The following DCAF8L2 variants were observed in gnomAD, a reference collection of about 807,000 sequenced individuals.
The protein encoded by DCAF8L2 is DDB1- and CUL4-associated factor 8-like protein 2.
For synonymous variants in DCAF8L2, 200 were observed against 190.9 expected (o/e 1.05, Z -0.39); for missense variants, 430 against 490.7 (o/e 0.88, Z 1.17).
At chrX:27,471,245 C>G in the DCAF8L2 span, among the ~76,000 whole-genome samples, 2 of 111,975 alleles carry the variant, frequency 1.8e-5, no homozygotes, top group Non-Finnish European at 3.8e-5. Context: ...TTCTATTAAT[C>G]AGGATTTCTT....
At chrX:27,665,480 A>G (rs769735998) in intron 2 of DCAF8L2, among the ~76,000 whole-genome samples, 1 of 112,066 alleles carries the variant, frequency 8.9e-6, no homozygotes, top group South Asian at 3.7e-4. Context: ...ACATTGTTGA[A>G]ATGATAGCAA....
chrX:27,533,164 GAGAAAGAAAGAA>G, the DCAF8L2 span, among the ~76,000 whole-genome samples: 318 of 17,288 alleles, frequency 0.018, 12 homozygotes, highest in Admixed American at 0.037. Context: ...GAGAGAGAGA[GAGAAAGAAAGAA>G]AGAAAGAAAG....
intron 1 of DCAF8L2, among the ~76,000 whole-genome samples, chrX:27,600,194 G>A (rs938259780): frequency 2.7e-5 from 3 of 111,960 alleles, no homozygotes; most frequent in Admixed American, 9.5e-5. Context: ...ACATCATTGT[G>A]TCGATGTGTG....
the DCAF8L2 span, chrX:27,518,030 T>C: frequency 3.0e-6 from 3 of 1,014,440 alleles, no homozygotes; most frequent in Non-Finnish European, 4.2e-6. Flanking sequence ...CAGCAAGATG[T>C]TAAAAAAGTG....
At position 27,748,452 on chromosome X, in the gene DCAF8L2, T is replaced by C. The variant is rs777592552; in HGVS notation, c.1557T>C (p.Leu519=). The C allele has an allele frequency of 1.7e-6, 2 of 1,208,745 alleles. No individual in the cohort carries two copies. Among genetic ancestry groups the C allele is most frequent in the Non-Finnish European group, 2.2e-6 (2 of 893,622 alleles). The change falls in exon 5 of 5, where the codon CTT becomes CTC. Residue 519 remains leucine (L), a synonymous_variant. Coordinates refer to ENST00000451261, the MANE Select transcript of DCAF8L2 (RefSeq NM_001353450.2). The stretch of plus-strand genomic sequence containing the variant: ...GCAGAGAAGGTACAATAAACTGTCT[T>C]GAACCCCACCCTTACCTACCTGTGT... ...KGSREGTINC[L]EPHPYLPVLA... is the part of the protein sequence containing the mutation.
intron 4 of DCAF8L2, among the ~76,000 whole-genome samples, chrX:27,719,670 T>C (rs1931824056): frequency 9.0e-6 from 1 of 110,835 alleles, no homozygotes. Flanking sequence ...GTCTCAAACT[T>C]CTGACCTCAA....
At position 27,747,290 on chromosome X, in the gene DCAF8L2, AGG is replaced by A. The variant is rs1569201130; in HGVS notation, c.396_397del (p.Glu133GlyfsTer28). Reference sequence around the variant, plus strand: ...GGAGGGGAGGAGGAGGAAGAGGAGGAGGAGGAGGAGGAGGAGGAGGAGGAGGA... The same window carrying A: ...GGAGGGGAGGAGGAGGAAGAGGAGGAAGGAGGAGGAGGAGGAGGAGGAGGA... On this transcript the variant is annotated frameshift_variant, in exon 5 of 5. Coordinates refer to ENST00000451261, the MANE Select transcript of DCAF8L2 (RefSeq NM_001353450.2). LOFTEE classifies it low-confidence loss of function (END_TRUNC). 2 of 524,401 alleles carry A rather than the reference AGG, an allele frequency of 3.8e-6. No individual in the cohort carries two copies. Among genetic ancestry groups the A allele is most frequent in the East Asian group, 1.1e-4 (1 of 8,712 alleles). 43.2% of individuals were successfully genotyped at this position (524,401 alleles called of 1,213,427 possible). A position where few individuals can be genotyped will look rare whatever the true frequency, so the allele number is the denominator to read the frequency against.
At chrX:27,522,322 C>T in the DCAF8L2 span, among the ~76,000 whole-genome samples, 10 of 112,100 alleles carry the variant, frequency 8.9e-5, no homozygotes, top group African/African-American at 2.9e-4. Context: ...CCACCGTGCC[C>T]GGCCCCCAGT....
chrX:27,569,046 C>T, the DCAF8L2 span, among the ~76,000 whole-genome samples: 2 of 108,093 alleles, frequency 1.9e-5, no homozygotes, highest in Admixed American at 2.0e-4. Context: ...TCCTAGAAAC[C>T]AATTAATTCA....
chrX:27,497,849 G>A, the DCAF8L2 span, among the ~76,000 whole-genome samples: 3 of 112,202 alleles, frequency 2.7e-5, no homozygotes, highest in African/African-American at 9.7e-5. Context: ...TTACAGGCGT[G>A]AGCCACCGCA....
the DCAF8L2 span, among the ~76,000 whole-genome samples, chrX:27,559,511 T>C: frequency 8.9e-6 from 1 of 111,820 alleles, no homozygotes; most frequent in African/African-American, 3.3e-5. Flanking sequence ...GCTAATAACC[T>C]GTTTGTTGTT....
chrX:27,503,970 C>T, the DCAF8L2 span, among the ~76,000 whole-genome samples: 1 of 112,012 alleles, frequency 8.9e-6, no homozygotes, highest in Non-Finnish European at 1.9e-5. Context: ...ACATTCTCTT[C>T]TTTATTGTAT....
the DCAF8L2 span, among the ~76,000 whole-genome samples, chrX:27,551,308 G>A: frequency 9.1e-6 from 1 of 110,309 alleles, no homozygotes; most frequent in Admixed American, 9.8e-5. Context: ...TCACTAAGCA[G>A]CCATCAATAT....
the DCAF8L2 span, among the ~76,000 whole-genome samples, chrX:27,528,476 G>GTATATATA: frequency 0.02 from 1,700 of 83,322 alleles, 16 homozygotes; most frequent in South Asian, 0.06. Flanking sequence ...ATGTGTATGT[G>GTATATATA]TATATATATA....
At chrX:27,684,451 GC>G (rs1930431058) in intron 3 of DCAF8L2, among the ~76,000 whole-genome samples, 1 of 112,103 alleles carries the variant, frequency 8.9e-6, no homozygotes, top group Non-Finnish European at 1.9e-5. Context: ...ACTGGCTTAT[GC>G]CCAGCAAAAG....
chrX:27,541,476 C>G, the DCAF8L2 span, among the ~76,000 whole-genome samples: 3 of 107,762 alleles, frequency 2.8e-5, no homozygotes, highest in African/African-American at 1.0e-4. Context: ...TTCAAGCCAT[C>G]CTCCTGCCTC....
At chrX:27,495,003 G>A in the DCAF8L2 span, among the ~76,000 whole-genome samples, 1 of 111,193 alleles carries the variant, frequency 9.0e-6, no homozygotes, top group Non-Finnish European at 1.9e-5. Flanking sequence ...GCTCAAAGAC[G>A]TACTGCTCTA....
At chrX:27,627,925 T>TTA (rs1555921074) in intron 1 of DCAF8L2, among the ~76,000 whole-genome samples, 1 of 93,462 alleles carries the variant, frequency 1.1e-5, no homozygotes, top group African/African-American at 4.0e-5. Context: ...AGACTCCATC[T>TTA]AAAAAAAAAA....
chrX:27,498,311 A>G, the DCAF8L2 span, among the ~76,000 whole-genome samples: 1 of 112,114 alleles, frequency 8.9e-6, no homozygotes. Flanking sequence ...TGAGGCTTCC[A>G]ATTTCTCCAC....
Sources: gnomAD v4.1 joint callset for allele counts (sites outside exome capture counted in the v4.1 genomes callset) on GRCh38, gnomAD v4.1.1 for gene constraint, MANE v1.5 for transcripts, NCBI Gene and HGNC (gene_info 2026-07-23, HGNC 2026-07-21) for gene names.